The following HOMER1 variants were observed in gnomAD, a reference collection of about 807,000 sequenced individuals.
HOMER1 encodes homer scaffold protein 1, also known as homer protein homolog 1.
A neutral mutation model predicts 48.9 loss-of-function variants in HOMER1; 3 were observed. The observed-to-expected ratio is 0.06, with a 90% confidence interval of 0.03 to 0.16. The LOEUF is 0.16. Ranked by LOEUF, HOMER1 falls within the 10% of genes least tolerant of loss-of-function variation. The pLI, the probability that HOMER1 is intolerant of heterozygous loss-of-function variation, is 1.00. For synonymous variants in HOMER1, 134 were observed against 146.4 expected, an observed-to-expected ratio of 0.92 and a Z score of 0.61; for missense variants, 247 against 411.4, an observed-to-expected ratio of 0.60 and a Z score of 3.46.
intron 6 of HOMER1, among the ~76,000 whole-genome samples, chr5:79,398,580 C>A (rs1475574193): frequency 6.6e-6 from 1 of 152,120 alleles, no homozygotes; most frequent in East Asian, 1.9e-4. Flanking sequence ...AAACCAACAG[C>A]CTCCCAGTGG....
intron 8 of HOMER1, among the ~76,000 whole-genome samples, chr5:79,385,972 T>A (rs886742651): frequency 2.6e-5 from 4 of 151,168 alleles, no homozygotes; most frequent in Non-Finnish European, 4.4e-5. Flanking sequence ...AAAGAACAGA[T>A]GCTGGTGAGG....
chr5:79,414,058 G>C (rs1243437772), intron 5 of HOMER1, among the ~76,000 whole-genome samples: 1 of 151,920 alleles, frequency 6.6e-6, no homozygotes, highest in Non-Finnish European at 1.5e-5. Context: ...CCTCTCATCA[G>C]ATGTTTACAT....
At chr5:79,465,845 A>G (rs868585750) in intron 1 of HOMER1, among the ~76,000 whole-genome samples, 2 of 152,020 alleles carry the variant, frequency 1.3e-5, no homozygotes, top group African/African-American at 4.8e-5. Context: ...CGCCGGCCTC[A>G]GCCTCACAAA....
intron 1 of HOMER1, among the ~76,000 whole-genome samples, chr5:79,492,128 A>G (rs1287778055): frequency 2.0e-5 from 3 of 152,234 alleles, no homozygotes; most frequent in African/African-American, 4.8e-5. Context: ...TAATGAAGTT[A>G]TATCTTGGAT....
At chr5:79,459,057 T>A (rs915475950) in intron 1 of HOMER1, among the ~76,000 whole-genome samples, 2 of 152,180 alleles carry the variant, frequency 1.3e-5, no homozygotes, top group African/African-American at 4.8e-5. Context: ...TTAAGGCACA[T>A]AAGGAAGGGA....
intron 4 of HOMER1, among the ~76,000 whole-genome samples, chr5:79,444,943 G>A (rs892832329): frequency 5.9e-5 from 9 of 151,988 alleles, no homozygotes; most frequent in Admixed American, 4.6e-4. Flanking sequence ...ATGTACAGAC[G>A]TATAATGGAG....
chr5:79,430,444 T>C (rs568357178), intron 5 of HOMER1, among the ~76,000 whole-genome samples: 54 of 152,356 alleles, frequency 3.5e-4, no homozygotes, highest in African/African-American at 1.2e-3. Context: ...ATGGCACAGC[T>C]GCTTTGCAGT....
chr5:79,512,889 C>T lies in HOMER1; in HGVS notation c.-115G>A, dbSNP rs545079770. On this transcript the variant is annotated 5_prime_UTR_variant, in exon 1 of 9. Coordinates refer to ENST00000334082, the MANE Select transcript of HOMER1 (RefSeq NM_004272.5). ...GCTTTTCCACCCCCACCCCCAGATCCTTGTCCGGAGGTATTTCAAGGATGC... is the reference window on the plus strand; with the variant it reads ...GCTTTTCCACCCCCACCCCCAGATCTTTGTCCGGAGGTATTTCAAGGATGC... 220 of 926,248 alleles carry T rather than the reference C, an allele frequency of 2.4e-4. 4 individuals carry two copies. In the African/African-American group the frequency reaches 2.8e-3, roughly 12 times the overall value. 57.4% of individuals were successfully genotyped at this position (926,248 alleles called of 1,614,324 possible).
chr5:79,508,151 C>T (rs1456498913), intron 1 of HOMER1, among the ~76,000 whole-genome samples: 1 of 152,208 alleles, frequency 6.6e-6, no homozygotes, highest in Non-Finnish European at 1.5e-5. Flanking sequence ...CTTCCCTGAT[C>T]ATGTTCTTAC....
intron 1 of HOMER1, among the ~76,000 whole-genome samples, chr5:79,483,683 T>C (rs907187610): frequency 1.3e-5 from 2 of 150,624 alleles, no homozygotes; most frequent in Non-Finnish European, 2.9e-5. Context: ...CCAAAAGGGG[T>C]AAATATGCAG....
chr5:79,493,925 T>C (rs1752355214), intron 1 of HOMER1, among the ~76,000 whole-genome samples: 1 of 152,140 alleles, frequency 6.6e-6, no homozygotes, highest in Admixed American at 6.5e-5. Flanking sequence ...ACACCTTCAC[T>C]TCATGGCAAT....
At chr5:79,452,013 G>C (rs1751041825) in intron 2 of HOMER1, among the ~76,000 whole-genome samples, 1 of 152,052 alleles carries the variant, frequency 6.6e-6, no homozygotes, top group Non-Finnish European at 1.5e-5. Context: ...TTCCTTGCTA[G>C]ACTTGGGAGA....
intron 4 of HOMER1, among the ~76,000 whole-genome samples, chr5:79,440,424 A>C (rs1332290109): frequency 1.3e-5 from 2 of 152,232 alleles, no homozygotes; most frequent in African/African-American, 4.8e-5. Context: ...AAAGATCAAA[A>C]GGATACTTTC....
At chr5:79,447,792 T>C (rs1412270000) in intron 3 of HOMER1, among the ~76,000 whole-genome samples, 1 of 152,174 alleles carries the variant, frequency 6.6e-6, no homozygotes, top group East Asian at 1.9e-4. Context: ...TAGGAACTCA[T>C]AGGAAACTAT....
chr5:79,470,518 A>G (rs1751588126), intron 1 of HOMER1, among the ~76,000 whole-genome samples: 2 of 152,192 alleles, frequency 1.3e-5, no homozygotes, highest in Admixed American at 6.5e-5. Context: ...AGCACTCCTG[A>G]GTGACTTAAA....
intron 1 of HOMER1, among the ~76,000 whole-genome samples, chr5:79,507,030 G>A (rs530278449): frequency 3.9e-4 from 59 of 151,602 alleles, no homozygotes; most frequent in African/African-American, 1.3e-3. Context: ...TGGCCAATAC[G>A]GTGAAACCCC....
chr5:79,404,018 T>C (rs1018492418), intron 5 of HOMER1, among the ~76,000 whole-genome samples: 6 of 152,208 alleles, frequency 3.9e-5, no homozygotes, highest in Admixed American at 1.3e-4. Context: ...AAAGCATGCA[T>C]GGATTCACCT....
At chr5:79,445,786 C>T (rs564126230) in intron 4 of HOMER1, among the ~76,000 whole-genome samples, 214 of 152,198 alleles carry the variant, frequency 1.4e-3, no homozygotes, top group South Asian at 0.01. Flanking sequence ...GGGTGGTGCA[C>T]GCCTATAATC....
chr5:79,497,467 T>C (rs1752458450), intron 1 of HOMER1, among the ~76,000 whole-genome samples: 1 of 151,908 alleles, frequency 6.6e-6, no homozygotes, highest in Admixed American at 6.6e-5. Flanking sequence ...CTGGCCAACA[T>C]GGCAAAACCC....
Sources: allele counts gnomAD v4.1 joint callset (sites outside exome capture counted in the v4.1 genomes callset), GRCh38; gene constraint gnomAD v4.1.1; transcripts MANE v1.5; gene names NCBI Gene and HGNC (gene_info 2026-07-23, HGNC 2026-07-21).